The following PPEF2 variants were observed in gnomAD, a reference collection of about 807,000 sequenced individuals.
PPEF2 encodes protein phosphatase with EF-hand domain 2, also known as serine/threonine-protein phosphatase with EF-hands 2.
Under a neutral mutation model 84.7 loss-of-function variants are expected in PPEF2, and 84 were observed. The observed-to-expected ratio is 0.99, with a 90% confidence interval of 0.83 to 1.19. The LOEUF is 1.19. Among genes scored for constraint, PPEF2 ranks in the 50% most tolerant of loss-of-function variants. The pLI is 0.00. For synonymous variants in PPEF2, 346 were observed against 345.2 expected (o/e 1.00, Z -0.03); for missense variants, 924 against 937.5 (o/e 0.99, Z 0.19).
At chr4:75,893,442 G>A (rs1260502716) in intron 2 of PPEF2, among the ~76,000 whole-genome samples, 3 of 152,062 alleles carry the variant, frequency 2.0e-5, no homozygotes, top group Non-Finnish European at 4.4e-5. Context: ...AGGTTGCAGT[G>A]AGCCGAGATC....
intron 13 of PPEF2, 119 bp downstream of exon 13, chr4:75,871,906 T>C (rs1724289356): frequency 8.7e-7 from 1 of 1,149,592 alleles, no homozygotes; most frequent in Non-Finnish European, 1.2e-6. Context: ...CATGCTGACA[T>C]AGCCAAATTC....
intron 2 of PPEF2, among the ~76,000 whole-genome samples, chr4:75,894,759 C>G (rs1045109902): frequency 6.6e-6 from 1 of 152,158 alleles, no homozygotes; most frequent in Non-Finnish European, 1.5e-5. Flanking sequence ...TCTAATAAAT[C>G]TCTGCCTACC....
rs71657381 is a variant in PPEF2, at chr4:75,877,006, AAAAG to A, written c.934-337_934-334del. ...CTGAGCAACAGAGGGAGACCCTGAA[AAAAG>A]AAAGAAAGAAAGAAAGAAAGAAAGA... is the stretch of plus-strand genomic sequence containing the variant. On this transcript the variant is annotated intron_variant, in intron 10 of 16. Coordinates refer to ENST00000286719, the MANE Select transcript of PPEF2 (RefSeq NM_006239.3). Among the ~76,000 whole-genome samples, 535 of 53,644 alleles carry A rather than the reference AAAAG, an allele frequency of 1.0e-2. 18 individuals carry two copies. The highest frequency in any genetic ancestry group is 0.019 in the African/African-American group (472 of 25,194). The allele number at this position is 53,644 out of a possible 152,430, so 35.2% of individuals were successfully genotyped here.
At position 75,864,560 on chromosome 4, in the gene PPEF2, A is replaced by G. The variant is rs200071084; in HGVS notation, c.1921-33T>C. The G allele has an allele frequency of 7.2e-5, 109 of 1,504,500 alleles. No individual in the cohort carries two copies. In the South Asian group the frequency reaches 9.4e-4, roughly 13 times the overall value. The allele number at this position is 1,504,500 out of a possible 1,614,324, so 93.2% of individuals were successfully genotyped here. ...AAAAAATTCATTTTCCTTCTTTGTC[A>G]TACGTTTAGACTTGTTCCAATATAT... On this transcript the variant is annotated intron_variant, in intron 15 of 16. Transcript: ENST00000286719.
intron 7 of PPEF2, among the ~76,000 whole-genome samples, chr4:75,885,816 C>G (rs1356930434): frequency 6.6e-6 from 1 of 152,110 alleles, no homozygotes; most frequent in Non-Finnish European, 1.5e-5. Context: ...CGAGACCAGC[C>G]CGGCCAAGAT....
chr4:75,883,468 G>T, intron 8 of PPEF2: 2 of 438,946 alleles, frequency 4.6e-6, no homozygotes. Context: ...TAGAGTATGT[G>T]TATGCAAAAA....
At chr4:75,901,935 C>T (rs1474272856) in intron 1 of PPEF2, among the ~76,000 whole-genome samples, 2 of 152,202 alleles carry the variant, frequency 1.3e-5, no homozygotes, top group East Asian at 3.9e-4. Context: ...TATGAACAGC[C>T]ACTGCACTCC....
At chr4:75,872,230 C>T (rs1420604904) in intron 12 of PPEF2, 63 bp from the exon 13 acceptor site, 1 of 1,487,840 alleles carries the variant, frequency 6.7e-7, no homozygotes. Flanking sequence ...ACCCTCAATC[C>T]TATGTGGCCC....
At chr4:75,899,887 G>T (rs1362001969) in intron 1 of PPEF2, among the ~76,000 whole-genome samples, 2 of 152,138 alleles carry the variant, frequency 1.3e-5, no homozygotes, top group Non-Finnish European at 2.9e-5. Context: ...TTGGTAACTT[G>T]CCTGCATAGC....
chr4:75,865,314 A>T (rs1724101238), intron 15 of PPEF2, among the ~76,000 whole-genome samples: 1 of 152,184 alleles, frequency 6.6e-6, no homozygotes, highest in African/African-American at 2.4e-5. Flanking sequence ...ACCATCAGAA[A>T]GCAAAGGTGT....
chr4:75,873,048 C>T, intron 12 of PPEF2, 79 bp downstream of exon 12: 1 of 1,356,844 alleles, frequency 7.4e-7, no homozygotes, highest in Non-Finnish European at 1.0e-6. Flanking sequence ...AAACTGAGAG[C>T]CTTTGCTCAT....
At position 75,883,171 on chromosome 4, in the gene PPEF2, A is replaced by G. The variant is rs770750076; in HGVS notation, c.778T>C (p.Tyr260His). Residue 260 changes from tyrosine (Y) to histidine (H), a missense_variant, in exon 9 of 17, where the codon TAC becomes CAC. Physicochemically the swap from Tyr to His is moderately conservative, Grantham distance 83. Coordinates refer to ENST00000286719, the MANE Select transcript of PPEF2 (RefSeq NM_006239.3). ...YGFTKEVMNK[Y>H]KVHGKEILRT... ...TGTCTTTAAAGGCAGCGCACCTTGT[A>G]TTTATTCATCACTTCCTTGGTGAAG... 12 of 1,613,740 alleles carry G rather than the reference A, an allele frequency of 7.4e-6. No individual in the cohort carries two copies. The highest frequency in any genetic ancestry group is 1.6e-4 in the Middle Eastern group (1 of 6,084).
chr4:75,876,428 G>C lies in PPEF2; in HGVS notation c.1179C>G (p.Ser393=), dbSNP rs371148899. The C allele has an allele frequency of 7.3e-5, 118 of 1,614,116 alleles. No homozygotes were observed. The South Asian group carries it at 8.9e-4, about 12-fold the overall frequency. Residue 393 remains serine, a synonymous_variant, in exon 11 of 17, where the codon TCC becomes TCG. Coordinates refer to ENST00000286719, the MANE Select transcript of PPEF2 (RefSeq NM_006239.3). ...GRELSRQVRS[S]VELELERCRQ... The stretch of plus-strand genomic sequence containing the variant: ...GGCACCGCTCTAGCTCCAGTTCCAC[G>C]GAGCTCCGCACCTGCCGGGAGAGCT...
intron 15 of PPEF2, among the ~76,000 whole-genome samples, chr4:75,865,354 G>A (rs1002522965): frequency 3.3e-5 from 5 of 152,088 alleles, no homozygotes; most frequent in African/African-American, 9.7e-5. Context: ...TTGTGGCATC[G>A]TGTTGGCACT....
At chr4:75,865,839 G>A (rs1724116676) in intron 15 of PPEF2, among the ~76,000 whole-genome samples, 1 of 152,180 alleles carries the variant, frequency 6.6e-6, no homozygotes, top group Non-Finnish European at 1.5e-5. Flanking sequence ...AAGCACCATG[G>A]TGTTGAAGAA....
intron 10 of PPEF2, among the ~76,000 whole-genome samples, chr4:75,876,963 G>C (rs1321930393): frequency 3.7e-5 from 3 of 81,314 alleles, no homozygotes; most frequent in Non-Finnish European, 8.7e-5. Flanking sequence ...AACTGAGATT[G>C]AACCACTGCA....
At chr4:75,886,705 T>C (rs929798543) in intron 7 of PPEF2, 147 bp downstream of exon 7, 3 of 374,600 alleles carry the variant, frequency 8.0e-6, no homozygotes, top group Non-Finnish European at 9.6e-6. Flanking sequence ...AGGTGGCAGA[T>C]TGAGACCCCC....
At chr4:75,864,909 CA>C (rs947513539) in intron 15 of PPEF2, among the ~76,000 whole-genome samples, 5 of 152,120 alleles carry the variant, frequency 3.3e-5, no homozygotes, top group African/African-American at 1.2e-4. Flanking sequence ...GTTTCATATA[CA>C]CCTTATACAT....
chr4:75,887,620 C>CAAAA (rs34334071), intron 6 of PPEF2, among the ~76,000 whole-genome samples: 17 of 123,638 alleles, frequency 1.4e-4, no homozygotes, highest in African/African-American at 5.2e-4. Flanking sequence ...GACTGTGTCT[C>CAAAA]AAAAAAAAAA....
Sources: gnomAD v4.1 joint callset for allele counts (sites outside exome capture counted in the v4.1 genomes callset) on GRCh38, gnomAD v4.1.1 for gene constraint, MANE v1.5 for transcripts, NCBI Gene and HGNC (gene_info 2026-07-23, HGNC 2026-07-21) for gene names.